Variants in ZZZ3 observed in about 807,000 individuals in gnomAD.
ZZZ3 encodes zinc finger ZZ-type containing 3.
A neutral mutation model predicts 95.2 loss-of-function variants in ZZZ3; 22 were observed. The observed-to-expected ratio is 0.23, with a 90% confidence interval of 0.17 to 0.33. ZZZ3 has a LOEUF of 0.33. Among genes scored for constraint, ZZZ3 ranks in the 10% least tolerant of loss-of-function variants. The pLI, the probability that ZZZ3 is intolerant of heterozygous loss-of-function variation, is 1.00. For synonymous variants in ZZZ3, 335 were observed against 358.9 expected, an observed-to-expected ratio of 0.93 and a Z score of 0.75; for missense variants, 885 against 1,066.5, an observed-to-expected ratio of 0.83 and a Z score of 2.37.
intron 5 of ZZZ3, among the ~76,000 whole-genome samples, chr1:77,622,973 AC>A (rs1358665277): frequency 5.9e-5 from 9 of 152,222 alleles, no homozygotes; most frequent in African/African-American, 1.9e-4. Context: ...CCCAGTGCAT[AC>A]TAAAATTACA....
At chr1:77,664,591 CCA>C (rs1332904048) in intron 1 of ZZZ3, among the ~76,000 whole-genome samples, 1 of 152,042 alleles carries the variant, frequency 6.6e-6, no homozygotes, top group Non-Finnish European at 1.5e-5. Context: ...TTTTTTAATT[CCA>C]CACTTTTAAG....
chr1:77,612,546 T>C (rs780656115), intron 5 of ZZZ3, among the ~76,000 whole-genome samples: 11 of 152,040 alleles, frequency 7.2e-5, no homozygotes, highest in Middle Eastern at 3.2e-3. Flanking sequence ...TAAATGTCCA[T>C]TGACAGACAA....
At chr1:77,598,605 G>C (rs141884690) in intron 5 of ZZZ3, among the ~76,000 whole-genome samples, 2 of 152,088 alleles carry the variant, frequency 1.3e-5, no homozygotes, top group Non-Finnish European at 2.9e-5. Flanking sequence ...AAGAGATCCC[G>C]TCTGATTAAT....
chr1:77,568,187 G>A (rs997661923), intron 13 of ZZZ3, 145 bp downstream of exon 13: 3 of 575,146 alleles, frequency 5.2e-6, no homozygotes, highest in African/African-American at 2.0e-5. Context: ...GCTGAGACAC[G>A]AGAATCGCTT....
intron 5 of ZZZ3, among the ~76,000 whole-genome samples, chr1:77,612,816 T>G (rs1182073864): frequency 1.3e-5 from 2 of 151,826 alleles, no homozygotes; most frequent in Non-Finnish European, 2.9e-5. Context: ...TGAGGAGACA[T>G]AGGTCAAAGG....
chr1:77,670,701 T>C (rs1052552165), intron 1 of ZZZ3, among the ~76,000 whole-genome samples: 7 of 150,640 alleles, frequency 4.6e-5, no homozygotes, highest in African/African-American at 1.7e-4. Context: ...ATGAAAGTTA[T>C]CAGAATCAAA....
intron 12 of ZZZ3, among the ~76,000 whole-genome samples, chr1:77,568,904 A>G (rs560902463): frequency 6.6e-6 from 1 of 152,000 alleles, no homozygotes; most frequent in Admixed American, 6.5e-5. Flanking sequence ...AAGCAAACCA[A>G]CCTCTGCTCT....
At chr1:77,593,287 A>C (rs1663896382) in intron 5 of ZZZ3, among the ~76,000 whole-genome samples, 1 of 152,224 alleles carries the variant, frequency 6.6e-6, no homozygotes, top group Admixed American at 6.5e-5. Context: ...AAACTCTTGA[A>C]TATACACAGT....
chr1:77,570,433 T>C (rs1445215712), intron 12 of ZZZ3, among the ~76,000 whole-genome samples: 10 of 152,184 alleles, frequency 6.6e-5, no homozygotes, highest in Non-Finnish European at 2.9e-5. Context: ...ATATCGAATG[T>C]AACAAATCCT....
Position 77,563,769 on chromosome 1 carries a change from T to C in ZZZ3, c.*1871A>G, listed in dbSNP as rs1179083787. ...ATAAAAACGCCCAGAATGCTAATGA[T>C]TCCCCTCTTCACCCACTAATAATTC... On this transcript the variant is annotated 3_prime_UTR_variant, in exon 15 of 15. Transcript: ENST00000370801. The C allele has an allele frequency of 2.0e-5, 3 of 152,198 alleles. No homozygotes were observed. Among genetic ancestry groups the C allele is most frequent in the African/African-American group, 7.2e-5 (3 of 41,466 alleles). 9.4% of individuals were successfully genotyped at this position (152,198 alleles called of 1,614,324 possible). A position where few individuals can be genotyped will look rare whatever the true frequency, so the allele number is the denominator to read the frequency against.
At chr1:77,601,726 G>C (rs949028536) in intron 5 of ZZZ3, among the ~76,000 whole-genome samples, 2 of 152,094 alleles carry the variant, frequency 1.3e-5, no homozygotes, top group Non-Finnish European at 2.9e-5. Flanking sequence ...TGAAAATTTA[G>C]TACTTATAAG....
intron 1 of ZZZ3, among the ~76,000 whole-genome samples, chr1:77,642,059 T>TA (rs556648715): frequency 1.5e-3 from 226 of 151,968 alleles, no homozygotes; most frequent in Middle Eastern, 3.4e-3. Context: ...AAAAATGAAG[T>TA]AAAAAAAAGA....
intron 12 of ZZZ3, among the ~76,000 whole-genome samples, chr1:77,574,475 G>A (rs1454611845): frequency 6.6e-6 from 1 of 151,990 alleles, no homozygotes. Context: ...AAATAAAAAT[G>A]TATCATATTT....
intron 5 of ZZZ3, among the ~76,000 whole-genome samples, chr1:77,587,425 C>T (rs1409750252): frequency 5.3e-5 from 8 of 151,994 alleles, no homozygotes; most frequent in South Asian, 2.1e-4. Context: ...CCACCACATC[C>T]GGCTAATTTT....
chr1:77,609,293 A>T (rs1665544258), intron 5 of ZZZ3, among the ~76,000 whole-genome samples: 1 of 152,320 alleles, frequency 6.6e-6, no homozygotes, highest in South Asian at 2.1e-4. Context: ...GAGACAAAGA[A>T]GGTCACTATG....
intron 5 of ZZZ3, among the ~76,000 whole-genome samples, chr1:77,589,130 G>A (rs1471499202): frequency 1.3e-5 from 2 of 152,104 alleles, no homozygotes; most frequent in Non-Finnish European, 2.9e-5. Context: ...TCCCACCTTG[G>A]CCTCCCAAAG....
intron 5 of ZZZ3, among the ~76,000 whole-genome samples, chr1:77,619,347 T>C (rs1380302718): frequency 6.6e-6 from 1 of 152,178 alleles, no homozygotes; most frequent in African/African-American, 2.4e-5. Flanking sequence ...CATGTCATTT[T>C]AAATTAATTG....
intron 1 of ZZZ3, among the ~76,000 whole-genome samples, chr1:77,676,400 T>C (rs189556936): frequency 1.3e-5 from 2 of 152,344 alleles, no homozygotes; most frequent in East Asian, 3.9e-4. Context: ...AATCCTGGGC[T>C]GAAGCGATCC....
chr1:77,609,430 C>G (rs1665560955), intron 5 of ZZZ3, among the ~76,000 whole-genome samples: 1 of 152,062 alleles, frequency 6.6e-6, no homozygotes, highest in South Asian at 2.1e-4. Flanking sequence ...GACCCCAATA[C>G]AGTAACAGCT....
Sources: allele counts gnomAD v4.1 joint callset (sites outside exome capture counted in the v4.1 genomes callset), GRCh38; gene constraint gnomAD v4.1.1; transcripts MANE v1.5; gene names NCBI Gene and HGNC (gene_info 2026-07-23, HGNC 2026-07-21).